DDX19B: variants seen among roughly 807,000 people sequenced by gnomAD.
DDX19B encodes the protein DEAD-box helicase 19B.
In DDX19B, 27 loss-of-function variants were observed where a neutral mutation model predicts 58.1. The ratio of observed to expected loss-of-function variants is 0.46; its 90% CI spans 0.34 to 0.64. The LOEUF is 0.64. DDX19B is among the 30% of genes least tolerant of loss of function. The pLI, the probability that DDX19B is intolerant of heterozygous loss-of-function variation, is 0.01. For missense variants in DDX19B, 399 were observed against 596.5 expected (o/e 0.67, Z 3.45); for synonymous variants, 187 against 214.4 (o/e 0.87, Z 1.12).
chr16:70,319,124 G>A (rs1472142657), intron 5 of DDX19B, among the ~76,000 whole-genome samples: 1 of 152,048 alleles, frequency 6.6e-6, no homozygotes, highest in Non-Finnish European at 1.5e-5. Flanking sequence ...ACAAAAAAAG[G>A]TGACATATAA....
chr16:70,314,896 A>C lies in DDX19B; in HGVS notation c.107-6A>C, dbSNP rs751474876. On this transcript the variant is annotated splice_region_variant and splice_polypyrimidine_tract_variant and intron_variant, in intron 2 of 11. Transcript: ENST00000288071. ...TTTGAATGATGGCCACTTTGTGTCT[A>C]TAAAGGTGCTGTTGTCAAGACCAAT... 38 of 1,608,654 alleles carry C rather than the reference A, an allele frequency of 2.4e-5. No individual in the cohort carries two copies. Among genetic ancestry groups the C allele is most frequent in the Non-Finnish European group, 3.0e-5 (35 of 1,176,490 alleles).
chr16:70,325,466 A>G (rs1252727626), intron 6 of DDX19B, 108 bp from the exon 7 acceptor site: 1 of 737,140 alleles, frequency 1.4e-6, no homozygotes, highest in Non-Finnish European at 2.4e-6. Context: ...TAATGTACAT[A>G]TTCTTTCCTT....
chr16:70,298,704 G>A (rs573451067), upstream of DDX19B, among the ~76,000 whole-genome samples: 1 of 152,148 alleles, frequency 6.6e-6, no homozygotes, highest in South Asian at 2.1e-4. Context: ...ACATAGGAGA[G>A]CTGCAATTCC....
upstream of DDX19B, among the ~76,000 whole-genome samples, chr16:70,297,607 C>A (rs908086048): frequency 6.6e-6 from 1 of 152,164 alleles, no homozygotes; most frequent in Non-Finnish European, 1.5e-5. Flanking sequence ...TGCCTAGTTT[C>A]TTTCTAGGGA....
At chr16:70,326,225 G>A (rs551201440) in intron 7 of DDX19B, among the ~76,000 whole-genome samples, 1 of 152,286 alleles carries the variant, frequency 6.6e-6, no homozygotes, top group Admixed American at 6.5e-5. Context: ...TGTAATCCCA[G>A]CCCTTTGGGA....
chr16:70,332,052 A>T (rs551991808), intron 10 of DDX19B, among the ~76,000 whole-genome samples, 168 bp downstream of exon 10: 1 of 152,342 alleles, frequency 6.6e-6, no homozygotes, highest in East Asian at 1.9e-4. Flanking sequence ...TCAGGTGATA[A>T]GAACTCCCAC....
intron 1 of DDX19B, among the ~76,000 whole-genome samples, chr16:70,300,912 A>G (rs552191005): frequency 2.6e-4 from 40 of 152,202 alleles, no homozygotes; most frequent in African/African-American, 8.7e-4. Flanking sequence ...TTAATTATCA[A>G]TTCAACCCCA....
chr16:70,330,248 A>G (rs888766304), intron 9 of DDX19B, among the ~76,000 whole-genome samples, 180 bp downstream of exon 9: 5 of 152,318 alleles, frequency 3.3e-5, no homozygotes, highest in African/African-American at 1.2e-4. Context: ...TACTTGGAGA[A>G]AACCCCAAGT....
Position 70,330,448 on chromosome 16 carries a change from C to T in DDX19B, c.1023+380C>T, listed in dbSNP as rs928666944. Reference sequence around the variant, plus strand: ...CTAAAAATACAAAAAATTAGCCGTGCGTGGTGGTGTGCACCTGTAATCCCA... The same window carrying T: ...CTAAAAATACAAAAAATTAGCCGTGTGTGGTGGTGTGCACCTGTAATCCCA... On this transcript the variant is annotated intron_variant, in intron 9 of 11. Coordinates refer to ENST00000288071, the MANE Select transcript of DDX19B (RefSeq NM_007242.7). Among the ~76,000 whole-genome samples, 4 of 152,016 alleles carry T rather than the reference C, an allele frequency of 2.6e-5. No individual in the cohort carries two copies. In the South Asian group the frequency reaches 6.2e-4, roughly 24 times the overall value.
chr16:70,295,065 A>C (rs1292517278), upstream of DDX19B: 1 of 1,286,598 alleles, frequency 7.8e-7, no homozygotes, highest in Non-Finnish European at 9.8e-7. Context: ...GCCATCTGTG[A>C]GGTGGGTACT....
At chr16:70,307,626 G>A (rs1597469159) in intron 1 of DDX19B, among the ~76,000 whole-genome samples, 1 of 151,886 alleles carries the variant, frequency 6.6e-6, no homozygotes, top group African/African-American at 2.4e-5. Flanking sequence ...GCCTCCCAAA[G>A]TACTAGGATT....
intron 5 of DDX19B, among the ~76,000 whole-genome samples, chr16:70,318,568 G>T (rs1962572511): frequency 6.6e-6 from 1 of 151,868 alleles, no homozygotes; most frequent in African/African-American, 2.4e-5. Context: ...GAGGCAGGTG[G>T]ATCACCTGAC....
Position 70,324,656 on chromosome 16 carries a change from G to C in DDX19B, c.461G>C (p.Ser154Thr). Reference protein sequence around the residue: ...KTAAFVLAMLSQVEPANKYPQ... With the variant: ...KTAAFVLAMLTQVEPANKYPQ... ...GCTGCCTTCGTGCTGGCCATGCTTA[G>C]CCAAGTAGAACCTGCAAACAAATAC... Residue 154 changes from serine to threonine, a missense_variant, in exon 6 of 12, where the codon AGC becomes ACC. Ser to Thr is a moderately conservative substitution (Grantham distance 58). Coordinates refer to ENST00000288071, the MANE Select transcript of DDX19B (RefSeq NM_007242.7). 1 of 1,613,778 alleles carries C rather than the reference G, an allele frequency of 6.2e-7. No individual in the cohort carries two copies. Among genetic ancestry groups the C allele is most frequent in the Non-Finnish European group, 8.5e-7 (1 of 1,179,960 alleles).
At chr16:70,317,457 C>T in intron 4 of DDX19B, 39 bp from the exon 5 acceptor site, 1 of 1,534,662 alleles carries the variant, frequency 6.5e-7, no homozygotes, top group Non-Finnish European at 9.0e-7. Context: ...TTTCCTCAAC[C>T]AAAGAGACTG....
chr16:70,330,731 A>G (rs2152214667), intron 9 of DDX19B, among the ~76,000 whole-genome samples: 1 of 152,142 alleles, frequency 6.6e-6, no homozygotes, highest in South Asian at 2.1e-4. Flanking sequence ...TGGGCAACAT[A>G]GTGAGACCTC....
chr16:70,331,930 C>T, intron 10 of DDX19B, 46 bp downstream of exon 10: 1 of 1,602,006 alleles, frequency 6.2e-7, no homozygotes, highest in Non-Finnish European at 8.5e-7. Context: ...CTTGGGGTCC[C>T]AGGCCCAGTT....
At chr16:70,289,874 A>G, upstream of DDX19B, 2 of 386,990 alleles carry the variant, frequency 5.2e-6, no homozygotes, top group East Asian at 7.3e-5. Flanking sequence ...TAGAGGTTAC[A>G]TATCTTGCTA....
intron 1 of DDX19B, among the ~76,000 whole-genome samples, chr16:70,311,448 A>G (rs893504332): frequency 3.9e-5 from 6 of 152,156 alleles, no homozygotes; most frequent in African/African-American, 1.4e-4. Context: ...CCAAAGGCCA[A>G]AAATAGAAAT....
At chr16:70,315,818 TA>T in intron 3 of DDX19B, 150 bp from the exon 4 acceptor site, 1 of 1,109,682 alleles carries the variant, frequency 9.0e-7, no homozygotes, top group East Asian at 2.6e-5. Flanking sequence ...TTAATAAAAC[TA>T]TTTTAATTTA....
Sources: gnomAD v4.1 joint callset for allele counts (sites outside exome capture counted in the v4.1 genomes callset) on GRCh38, gnomAD v4.1.1 for gene constraint, MANE v1.5 for transcripts, NCBI Gene and HGNC (gene_info 2026-07-23, HGNC 2026-07-21) for gene names.